IQSEC1: variants seen among roughly 807,000 people sequenced by gnomAD.
IQSEC1 encodes IQ motif and SEC7 domain-containing protein 1.
IQSEC1 carries 31 observed loss-of-function variants against 91.0 expected under a neutral mutation model. The observed-to-expected ratio is 0.34, with a 90% CI of 0.26 to 0.46. The LOEUF (loss-of-function observed/expected upper bound fraction) is 0.46, where lower values mean the gene tolerates loss of function less well. Ranked by LOEUF, IQSEC1 falls within the 20% of genes least tolerant of loss-of-function variation. The pLI is 1.00. For missense variants in IQSEC1, 1,388 were observed against 1,575.6 expected, an observed-to-expected ratio of 0.88 and a Z score of 2.02; for synonymous variants, 699 against 662.6, an observed-to-expected ratio of 1.05 and a Z score of -0.84.
At chr3:13,033,272 A>C (rs1703915653) in intron 1 of IQSEC1, among the ~76,000 whole-genome samples, 1 of 152,132 alleles carries the variant, frequency 6.6e-6, no homozygotes, top group Admixed American at 6.5e-5. Context: ...CACTTCACAG[A>C]TCAAGACAGA....
intron 1 of IQSEC1, among the ~76,000 whole-genome samples, chr3:13,071,161 TTTTTTG>T (rs1705409796): frequency 8.3e-6 from 1 of 120,656 alleles, no homozygotes; most frequent in African/African-American, 3.1e-5. Flanking sequence ...TTGTTTTTTT[TTTTTTG>T]TTTGTTTCTT....
chr3:12,982,411 A>G (rs1701510199), intron 1 of IQSEC1, among the ~76,000 whole-genome samples: 1 of 152,196 alleles, frequency 6.6e-6, no homozygotes, highest in Admixed American at 6.5e-5. Flanking sequence ...CTATCCACCA[A>G]CATGTCAGGT....
chr3:12,952,739 T>A lies in IQSEC1; in HGVS notation c.24-10874A>T, dbSNP rs181036152. On this transcript the variant is annotated intron_variant, in intron 1 of 13. Transcript: ENST00000613206. ...CACCCCAAGACCTGTGCAGGTGCTG[T>A]TCCCACTGCTCAGAGCGGACTTCCC... is the stretch of plus-strand genomic sequence containing the variant. Among the ~76,000 whole-genome samples, 258 of 152,274 alleles carry A rather than the reference T, an allele frequency of 1.7e-3. 1 individual carries two copies. The highest frequency in any genetic ancestry group is 5.4e-3 in the African/African-American group (224 of 41,560).
In IQSEC1 at chr3:13,238,576, C is replaced by T. The variant is rs1044956877; in HGVS notation, c.272+44135G>A. 3.1e-4 allele frequency among the ~76,000 whole-genome samples: 47 copies of T among 152,246 alleles called. 1 individual carries two copies. The highest frequency in any genetic ancestry group is 2.7e-3 in the Admixed American group (42 of 15,294). On this transcript the variant is annotated intron_variant, in intron 1 of 15. Transcript: ENST00000648114. ...TAGGAGCTCGACACAGGCAGGACCA[C>T]GTCTTGTCCCCACCACATTCCAGAG...
chr3:13,197,385 C>T (rs1230218293), intron 1 of IQSEC1, among the ~76,000 whole-genome samples: 1 of 152,174 alleles, frequency 6.6e-6, no homozygotes, highest in African/African-American at 2.4e-5. Context: ...CTGAGCTGGA[C>T]AGGCACTGAG....
chr3:12,924,883 G>T lies in IQSEC1; in HGVS notation c.1569-141C>A. The T allele has an allele frequency of 1.3e-6, 1 of 751,420 alleles. No homozygotes were observed. Among genetic ancestry groups the T allele is most frequent in the Non-Finnish European group, 2.1e-6 (1 of 484,936 alleles). The allele number at this position is 751,420 out of a possible 1,614,324, so 46.5% of individuals were successfully genotyped here. ...GGCCTTCATCCCTGTAGGCATTCAG[G>T]GGTCTCTAGTTCCATCTCCAGCCTG... On this transcript the variant is annotated intron_variant, in intron 3 of 13. Transcript: ENST00000613206. This position sits in a 1 kb window ranked among gnomAD's most constrained non-coding sequence, Gnocchi z 6.3.
In IQSEC1 at chr3:12,901,463, T is replaced by TGG; in HGVS notation, c.2863_2864dup (p.Ser956HisfsTer165). On this transcript the variant is annotated frameshift_variant, in exon 14 of 14. Transcript: ENST00000613206. LOFTEE classifies it low-confidence loss of function (END_TRUNC). Reference sequence around the variant, plus strand: ...TGGGCATAGTCTGGTGTGGGCGAGATGGACACTCTCGTGTTGATGTAGCTC... The same window carrying TGG: ...TGGGCATAGTCTGGTGTGGGCGAGATGGGGACACTCTCGTGTTGATGTAGCTC... The TGG allele has an allele frequency of 5.2e-6, 8 of 1,549,526 alleles. No homozygotes were observed. Among genetic ancestry groups the TGG allele is most frequent in the Non-Finnish European group, 7.0e-6 (8 of 1,146,814 alleles).
At chr3:12,923,724 C>G (rs1346121444) in intron 4 of IQSEC1, among the ~76,000 whole-genome samples, 1 of 152,210 alleles carries the variant, frequency 6.6e-6, no homozygotes, top group East Asian at 1.9e-4. Flanking sequence ...CTGGCCAGCC[C>G]CAGGGAACGT....
chr3:13,030,129 ACT>A (rs1703789676), intron 1 of IQSEC1, among the ~76,000 whole-genome samples: 1 of 152,052 alleles, frequency 6.6e-6, no homozygotes, highest in Non-Finnish European at 1.5e-5. Flanking sequence ...ATACAGTCTA[ACT>A]CTGTCACCCA....
chr3:13,224,608 G>T (rs1211042950), intron 1 of IQSEC1, among the ~76,000 whole-genome samples: 1 of 152,050 alleles, frequency 6.6e-6, no homozygotes, highest in Non-Finnish European at 1.5e-5. Flanking sequence ...CTTGGGGTTC[G>T]ACTTGACGTT....
chr3:13,095,898 A>C (rs1228932326), intron 2 of IQSEC1, among the ~76,000 whole-genome samples: 1 of 152,178 alleles, frequency 6.6e-6, no homozygotes, highest in Non-Finnish European at 1.5e-5. Flanking sequence ...GATTCACGTG[A>C]GACCTCATGC....
chr3:13,092,805 A>G (rs923128931), intron 2 of IQSEC1, among the ~76,000 whole-genome samples: 3 of 152,184 alleles, frequency 2.0e-5, no homozygotes, highest in African/African-American at 7.2e-5. Context: ...TTCCTGTCCC[A>G]GTGCCAGCCC....
rs147490162 is a variant in IQSEC1, at chr3:13,093,527, G to A, written c.303-46005C>T. 6.8e-4 allele frequency among the ~76,000 whole-genome samples: 103 copies of A among 152,278 alleles called. 1 individual carries two copies. In the South Asian group the frequency reaches 9.7e-3, roughly 14 times the overall value. On this transcript the variant is annotated intron_variant, in intron 2 of 15. Coordinates refer to the IQSEC1 transcript ENST00000648114. Reference sequence around the variant, plus strand: ...AAGTAACTGGTCCCTGTGGCTCAGGGCAGGAACTGGGGAGGCAGGGCTGCC... The same window carrying A: ...AAGTAACTGGTCCCTGTGGCTCAGGACAGGAACTGGGGAGGCAGGGCTGCC...
chr3:12,944,597 C>T (rs1012737297), intron 1 of IQSEC1, among the ~76,000 whole-genome samples: 2 of 152,340 alleles, frequency 1.3e-5, no homozygotes, highest in Admixed American at 6.5e-5. Context: ...ACATCACACA[C>T]GCCCGGGACT....
chr3:13,226,337 T>C (rs1348158934), intron 1 of IQSEC1, among the ~76,000 whole-genome samples: 3 of 152,236 alleles, frequency 2.0e-5, no homozygotes, highest in Non-Finnish European at 4.4e-5. Flanking sequence ...AGTTTACTCA[T>C]TTTTAAATGA....
Position 13,140,679 on chromosome 3 carries a change from G to A in IQSEC1, c.302+23425C>T, listed in dbSNP as rs562698540. 3.9e-5 allele frequency among the ~76,000 whole-genome samples: 6 copies of A among 152,136 alleles called. No homozygotes were observed. The East Asian group carries it at 5.8e-4, about 15-fold the overall frequency. On this transcript the variant is annotated intron_variant, in intron 2 of 15. Transcript: ENST00000648114. Reference sequence around the variant, plus strand: ...AAACAAGAGCTGAGAGACCATGCGCGCCCCAGCACAGGGAGCAATGCTGAG... The same window carrying A: ...AAACAAGAGCTGAGAGACCATGCGCACCCCAGCACAGGGAGCAATGCTGAG...
At position 13,073,185 on chromosome 3, in the gene IQSEC1, A is replaced by G; in HGVS notation, c.-171T>C. 31 of 526,394 alleles carry G rather than the reference A, an allele frequency of 5.9e-5. No individual in the cohort carries two copies. The highest frequency in any genetic ancestry group is 1.1e-4 in the Admixed American group (4 of 36,854). 32.6% of individuals were successfully genotyped at this position (526,394 alleles called of 1,614,324 possible). A position where few individuals can be genotyped will look rare whatever the true frequency, so the allele number is the denominator to read the frequency against. On this transcript the variant is annotated 5_prime_UTR_variant, in exon 1 of 14. Transcript: ENST00000613206. ...GCTCCTCCAGGGAGGCTGGGGCGGGAGCGGGGGGCGGCGCCAGCAGCGGGC... is the reference window on the plus strand; with the variant it reads ...GCTCCTCCAGGGAGGCTGGGGCGGGGGCGGGGGGCGGCGCCAGCAGCGGGC...
chr3:13,214,360 G>T lies in IQSEC1; in HGVS notation c.273-50227C>A, dbSNP rs910784294. Among the ~76,000 whole-genome samples the T allele has an allele frequency of 1.3e-5, 2 of 152,206 alleles. No individual in the cohort carries two copies. The highest frequency in any genetic ancestry group is 2.9e-5 in the Non-Finnish European group (2 of 68,046). On this transcript the variant is annotated intron_variant, in intron 1 of 15. Coordinates refer to the IQSEC1 transcript ENST00000648114. The surrounding 1 kb of genome is among the most constrained non-coding windows in gnomAD (Gnocchi z 4.5). ...CCCTTGTCCAGGAGCTGCCCAGGCC[G>T]ACTCCTCACCCCGTCCCACAGCCAG...
intron 12 of IQSEC1, among the ~76,000 whole-genome samples, chr3:12,906,193 GCCCCA>G (rs1219019511): frequency 1.3e-5 from 2 of 152,212 alleles, no homozygotes; most frequent in Admixed American, 1.3e-4. Flanking sequence ...AGGGTCTCCT[GCCCCA>G]GGAGCAGTGA....
Sources: gnomAD v4.1 joint callset for allele counts (sites outside exome capture counted in the v4.1 genomes callset) on GRCh38, gnomAD v4.1.1 for gene constraint, Gnocchi (gnomAD v3.1) non-coding constraint, MANE v1.5 for transcripts, NCBI Gene and HGNC (gene_info 2026-07-23, HGNC 2026-07-21) for gene names.